ADK: variants seen among roughly 807,000 people sequenced by gnomAD.
ADK encodes adenosine kinase.
A neutral mutation model predicts 44.7 loss-of-function variants in ADK; 24 were observed. The observed-to-expected ratio is 0.54, with a 90% CI of 0.39 to 0.76. ADK has a LOEUF of 0.76. Among genes scored for constraint, ADK ranks in the 30% least tolerant of loss-of-function variants. The probability of loss-of-function intolerance (pLI) is 0.00; values close to 1 mark genes in which losing one functional copy is unlikely to be tolerated. For missense variants in ADK, 321 were observed against 425.1 expected, an observed-to-expected ratio of 0.76 and a Z score of 2.15; for synonymous variants, 128 against 142.6, an observed-to-expected ratio of 0.90 and a Z score of 0.73.
At chr10:74,551,323 TATC>T (rs1159631887) in intron 7 of ADK, 1 of 152,162 alleles carries the variant, frequency 6.6e-6, no homozygotes, top group African/African-American at 2.4e-5. Context: ...CGTATGAAAA[TATC>T]ATGGTCTTGG....
At chr10:74,374,949 C>T (rs1428855019) in intron 4 of ADK, among the ~76,000 whole-genome samples, 1 of 152,082 alleles carries the variant, frequency 6.6e-6, no homozygotes, top group Non-Finnish European at 1.5e-5. Context: ...TGTTTTCATG[C>T]TTACTCCTCC....
intron 3 of ADK, among the ~76,000 whole-genome samples, chr10:74,270,887 A>C (rs1008549781): frequency 2.0e-5 from 3 of 152,228 alleles, no homozygotes; most frequent in South Asian, 2.1e-4. Context: ...GCAAGGCAGC[A>C]ATTTGGATTC....
chr10:74,376,430 T>C (rs1436751578), intron 4 of ADK, among the ~76,000 whole-genome samples: 1 of 152,238 alleles, frequency 6.6e-6, no homozygotes, highest in East Asian at 1.9e-4. Context: ...AGAGAAAGAA[T>C]AGTAGGTATA....
At chr10:74,413,091 C>G (rs781420443) in intron 6 of ADK, among the ~76,000 whole-genome samples, 5 of 151,746 alleles carry the variant, frequency 3.3e-5, no homozygotes, top group Non-Finnish European at 7.4e-5. Flanking sequence ...CATACTCAAA[C>G]AGGTATGTGT....
At chr10:74,502,922 G>C (rs1847930747) in intron 6 of ADK, among the ~76,000 whole-genome samples, 1 of 152,140 alleles carries the variant, frequency 6.6e-6, no homozygotes, top group Non-Finnish European at 1.5e-5. Flanking sequence ...CTCTAAATCT[G>C]CCTTAGTTTT....
At chr10:74,589,821 C>T (rs1281050120) in intron 8 of ADK, among the ~76,000 whole-genome samples, 1 of 152,082 alleles carries the variant, frequency 6.6e-6, no homozygotes, top group African/African-American at 2.4e-5. Context: ...AATTTAAATC[C>T]TGCTTTTATA....
chr10:74,700,387 C>T (rs1188732328), intron 10 of ADK, among the ~76,000 whole-genome samples: 1 of 152,092 alleles, frequency 6.6e-6, no homozygotes, highest in East Asian at 1.9e-4. Flanking sequence ...GGATTACAGG[C>T]ACCCGCCACC....
rs773689294 is a variant in ADK at position 74,158,732 on chromosome 10, T to G, written c.65+7389T>G. ...TAGTTTACTTTTAAAAGTTGGCTACTGTGCAGGAACAATAATTTCTCATCA... is the reference window on the plus strand; with the variant it reads ...TAGTTTACTTTTAAAAGTTGGCTACGGTGCAGGAACAATAATTTCTCATCA... On this transcript the variant is annotated intron_variant, in intron 1 of 10. Transcript: ENST00000539909. Among the ~76,000 whole-genome samples, 8 of 152,260 alleles carry G rather than the reference T, an allele frequency of 5.3e-5. 1 individual carries two copies. Among genetic ancestry groups the G allele is most frequent in the Admixed American group, 2.6e-4 (4 of 15,280 alleles).
intron 1 of ADK, among the ~76,000 whole-genome samples, chr10:74,186,190 T>TCCTTCCCTTCCCTTC (rs145702466): frequency 1.8e-4 from 26 of 143,666 alleles, no homozygotes; most frequent in African/African-American, 5.1e-4. Context: ...GCCTTCCCTT[T>TCCTTCCCTTCCCTTC]CCTTCCCTTC....
At chr10:74,518,302 G>A (rs1295692921) in intron 6 of ADK, among the ~76,000 whole-genome samples, 2 of 152,324 alleles carry the variant, frequency 1.3e-5, no homozygotes, top group Admixed American at 6.5e-5. Flanking sequence ...ATCAGTGCTA[G>A]TCTAGGCTTG....
chr10:74,515,444 C>T (rs2133553193), intron 6 of ADK, among the ~76,000 whole-genome samples: 1 of 152,148 alleles, frequency 6.6e-6, no homozygotes, highest in East Asian at 1.9e-4. Flanking sequence ...ACCAGAAATA[C>T]AAGTATAAGG....
intron 7 of ADK, among the ~76,000 whole-genome samples, chr10:74,578,499 C>CT: frequency 6.6e-6 from 1 of 152,220 alleles, no homozygotes; most frequent in African/African-American, 2.4e-5. Flanking sequence ...TACTTCAACT[C>CT]TGTCTGTGGT....
rs193167726 is a variant in ADK at position 74,707,478 on chromosome 10, C to T, written c.965-843C>T. On this transcript the variant is annotated intron_variant, in intron 10 of 10. Transcript: ENST00000539909. ...TTGAGACCCTATCAACATATGCTTC[C>T]CTGGCTGGGTGTGGTGGCTCACGCC... Among the ~76,000 whole-genome samples the T allele has an allele frequency of 4.6e-5, 7 of 151,976 alleles. No homozygotes were observed. The East Asian group carries it at 1.4e-3, about 30-fold the overall frequency.
intron 4 of ADK, among the ~76,000 whole-genome samples, chr10:74,380,881 A>G (rs957700185): frequency 6.6e-6 from 1 of 152,196 alleles, no homozygotes; most frequent in African/African-American, 2.4e-5. Flanking sequence ...AATATGAAAC[A>G]ATAGCTTTAA....
intron 10 of ADK, among the ~76,000 whole-genome samples, chr10:74,683,064 TA>T (rs756442620): frequency 1.7e-4 from 26 of 152,248 alleles, no homozygotes; most frequent in Non-Finnish European, 3.5e-4. Context: ...AAAATTTTAC[TA>T]ACTAGACTAC....
intron 7 of ADK, among the ~76,000 whole-genome samples, chr10:74,576,072 C>G (rs922572139): frequency 1.3e-5 from 2 of 151,868 alleles, no homozygotes; most frequent in African/African-American, 4.8e-5. Context: ...AGTTACCCCC[C>G]ACCCCAGAGA....
chr10:74,501,447 A>G (rs1359766838), intron 6 of ADK, among the ~76,000 whole-genome samples: 1 of 152,148 alleles, frequency 6.6e-6, no homozygotes. Context: ...AATTAGTTTC[A>G]TTTCTGGCTC....
intron 8 of ADK, among the ~76,000 whole-genome samples, chr10:74,598,217 T>C (rs887718850): frequency 1.6e-4 from 25 of 152,148 alleles, no homozygotes; most frequent in East Asian, 1.9e-4. Context: ...GAAGAACCTA[T>C]TGGGGACAGA....
intron 4 of ADK, among the ~76,000 whole-genome samples, chr10:74,328,921 C>G (rs912734334): frequency 5.9e-5 from 9 of 151,714 alleles, no homozygotes; most frequent in African/African-American, 2.2e-4. Context: ...TCCAAGAGAT[C>G]CAGGGTAGTC....
Sources: allele counts gnomAD v4.1 joint callset (sites outside exome capture counted in the v4.1 genomes callset), GRCh38; gene constraint gnomAD v4.1.1; transcripts MANE v1.5; gene names NCBI Gene and HGNC (gene_info 2026-07-23, HGNC 2026-07-21).